ZNF469: variants seen among roughly 807,000 people sequenced by gnomAD.
ZNF469 encodes the protein zinc finger protein 469.
In ZNF469, 1 loss-of-function variant was observed where a neutral mutation model predicts 1.0. That is an observed-to-expected ratio of 1.00 (90% confidence interval 0.35 to 4.73). ZNF469 has a LOEUF of 4.73. Among genes scored for constraint, ZNF469 ranks in the 30% most tolerant of loss-of-function variants. ZNF469 has a pLI of 0.16. For synonymous variants in ZNF469, 2,703 were observed against 2,363.4 expected (o/e 1.14, Z -4.17); for missense variants, 6,100 against 5,356.3 (o/e 1.14, Z -4.33).
the ZNF469 span, among the ~76,000 whole-genome samples, chr16:88,296,711 C>G: frequency 2.2e-4 from 33 of 151,804 alleles, no homozygotes; most frequent in African/African-American, 7.2e-4. Flanking sequence ...GACCCATGCT[C>G]TCACACATTC....
chr16:88,240,229 C>T, the ZNF469 span, among the ~76,000 whole-genome samples: 1 of 152,230 alleles, frequency 6.6e-6, no homozygotes, highest in Non-Finnish European at 1.5e-5. Flanking sequence ...TCTTCTCACA[C>T]GGGTTTCTTT....
intron 1 of ZNF469, among the ~76,000 whole-genome samples, chr16:88,397,568 A>G (rs1904720503): frequency 6.6e-6 from 1 of 151,652 alleles, no homozygotes; most frequent in African/African-American, 2.4e-5. Context: ...GAATATTTAT[A>G]AGGCATATAT....
chr16:88,161,527 T>C, the ZNF469 span, among the ~76,000 whole-genome samples: 1 of 152,352 alleles, frequency 6.6e-6, no homozygotes, highest in South Asian at 2.1e-4. Flanking sequence ...TTTCTGTTTG[T>C]TGCCTGTCAC....
At chr16:88,270,408 T>A in the ZNF469 span, among the ~76,000 whole-genome samples, 3 of 152,224 alleles carry the variant, frequency 2.0e-5, no homozygotes, top group Non-Finnish European at 2.9e-5. Flanking sequence ...ACCAGGGTCC[T>A]GGATGCTCGC....
Position 88,424,193 on chromosome 16 carries a change from A to G in ZNF469, c.-191-614A>G, listed in dbSNP as rs1176756267. The stretch of plus-strand genomic sequence containing the variant: ...CAGGTCTGGGTGCTCTGCAGCCTGG[A>G]TGCGAGGACGAGTGGACAGAGAGTG... On this transcript the variant is annotated intron_variant, in intron 1 of 2. Coordinates refer to ENST00000565624, the MANE Select transcript of ZNF469 (RefSeq NM_001367624.2). The surrounding 1 kb of genome is among the most constrained non-coding windows in gnomAD (Gnocchi z 4.3). Among the ~76,000 whole-genome samples the G allele has an allele frequency of 6.6e-6, 1 of 152,240 alleles. No homozygotes were observed. Among genetic ancestry groups the G allele is most frequent in the African/African-American group, 2.4e-5 (1 of 41,462 alleles).
intron 1 of ZNF469, among the ~76,000 whole-genome samples, chr16:88,407,348 G>A (rs188958984): frequency 4.2e-4 from 63 of 151,780 alleles, no homozygotes; most frequent in African/African-American, 1.5e-3. Context: ...CAGGGCTCAC[G>A]GTACCCTCTT....
chr16:88,430,658 G>A lies in ZNF469; in HGVS notation c.3188G>A (p.Arg1063Gln), dbSNP rs928731575. 16 of 1,491,800 alleles carry A rather than the reference G, an allele frequency of 1.1e-5. No homozygotes were observed. Among genetic ancestry groups the A allele is most frequent in the Middle Eastern group, 1.9e-4 (1 of 5,352 alleles). The allele number at this position is 1,491,800 out of a possible 1,614,324, so 92.4% of individuals were successfully genotyped here. Residue 1063 changes from arginine to glutamine, a missense_variant, in exon 3 of 3, where the codon CGG becomes CAG. Transcript: ENST00000565624. ...GTGCAGCAGAAGAACAGGCGCCACC[G>A]GCGGCTGGGGCGGCGGGCGGGCAGG... ...KIVQQKNRRHRRLGRRAGRCG... is the reference protein window; with the variant it reads ...KIVQQKNRRHQRLGRRAGRCG...
At chr16:88,390,896 G>T (rs951768626) in intron 1 of ZNF469, among the ~76,000 whole-genome samples, 1 of 152,256 alleles carries the variant, frequency 6.6e-6, no homozygotes, top group African/African-American at 2.4e-5. Context: ...AAGGCGCAGA[G>T]ACACATTCCT....
the ZNF469 span, among the ~76,000 whole-genome samples, chr16:88,366,480 G>A: frequency 6.8e-6 from 1 of 147,034 alleles, no homozygotes; most frequent in East Asian, 2.1e-4. Context: ...TCATCACCAT[G>A]ATCATCATCA....
At position 88,431,212 on chromosome 16, in the gene ZNF469, C is replaced by G. The variant is rs1027420142; in HGVS notation, c.3742C>G (p.Pro1248Ala). The G allele has an allele frequency of 1.0e-5, 16 of 1,550,260 alleles. No homozygotes were observed. The highest frequency in any genetic ancestry group is 1.3e-5 in the Non-Finnish European group (15 of 1,146,980). ...STEFTEALRSPPAACAGEMGA... is the reference protein window; with the variant it reads ...STEFTEALRSAPAACAGEMGA... Reference sequence around the variant, plus strand: ...AGAATTCACAGAGGCTTTGCGTTCTCCTCCAGCCGCCTGTGCGGGAGAAAT... The same window carrying G: ...AGAATTCACAGAGGCTTTGCGTTCTGCTCCAGCCGCCTGTGCGGGAGAAAT... The change falls in exon 3 of 3, where the codon CCT becomes GCT. Residue 1248 changes from proline (P) to alanine (A), a missense_variant. Transcript: ENST00000565624.
chr16:88,242,810 C>T, the ZNF469 span, among the ~76,000 whole-genome samples: 1 of 152,242 alleles, frequency 6.6e-6, no homozygotes, highest in Non-Finnish European at 1.5e-5. Flanking sequence ...GGTGTTTACA[C>T]ATTCCTGTCA....
chr16:88,289,622 T>A, the ZNF469 span, among the ~76,000 whole-genome samples: 1 of 151,930 alleles, frequency 6.6e-6, no homozygotes, highest in Non-Finnish European at 1.5e-5. Flanking sequence ...ATGAAGAAGC[T>A]GAGAGAGAGA....
the ZNF469 span, among the ~76,000 whole-genome samples, chr16:88,273,220 C>T: frequency 6.8e-6 from 1 of 147,728 alleles, no homozygotes; most frequent in Non-Finnish European, 1.5e-5. Flanking sequence ...CCAGTTGAAA[C>T]CACTTGCTGC....
chr16:88,247,739 GAGTGAGTGAATGAGTC>G, the ZNF469 span, among the ~76,000 whole-genome samples: 23 of 152,282 alleles, frequency 1.5e-4, no homozygotes, highest in East Asian at 5.8e-4. Context: ...GTGAGTCAAT[GAGTGAGTGAATGAGTC>G]AGTGAGTGAA....
the ZNF469 span, among the ~76,000 whole-genome samples, chr16:88,157,936 G>A: frequency 6.6e-6 from 1 of 152,070 alleles, no homozygotes; most frequent in Non-Finnish European, 1.5e-5. Context: ...ATCCTCTCCT[G>A]TCCTGGAGAG....
At chr16:88,299,172 A>G in the ZNF469 span, among the ~76,000 whole-genome samples, 5 of 120,970 alleles carry the variant, frequency 4.1e-5, no homozygotes, top group Non-Finnish European at 8.7e-5. Flanking sequence ...TGGAGGAGGC[A>G]GCTTGGGTGG....
chr16:88,396,168 CAT>C (rs1904652739), intron 1 of ZNF469, among the ~76,000 whole-genome samples: 1 of 152,254 alleles, frequency 6.6e-6, no homozygotes, highest in African/African-American at 2.4e-5. Context: ...AAACACAACT[CAT>C]AGAACACAAT....
At chr16:88,361,000 A>G in the ZNF469 span, among the ~76,000 whole-genome samples, 1 of 152,252 alleles carries the variant, frequency 6.6e-6, no homozygotes, top group East Asian at 1.9e-4. Flanking sequence ...ATTGCAATAT[A>G]TAGTAAGTAA....
chr16:88,404,670 G>A (rs994021221), intron 1 of ZNF469, among the ~76,000 whole-genome samples: 1 of 152,176 alleles, frequency 6.6e-6, no homozygotes, highest in Non-Finnish European at 1.5e-5. Context: ...GTGGGGGCAG[G>A]CACAGAGGGA....
Sources: allele counts gnomAD v4.1 joint callset (sites outside exome capture counted in the v4.1 genomes callset), GRCh38; gene constraint gnomAD v4.1.1; non-coding constraint Gnocchi (gnomAD v3.1); transcripts MANE v1.5; gene names NCBI Gene and HGNC (gene_info 2026-07-23, HGNC 2026-07-21).